The following CLVS1 variants were observed in gnomAD, a reference collection of about 807,000 sequenced individuals.
The protein encoded by CLVS1 is clavesin 1.
In CLVS1, 10 loss-of-function variants were observed where a neutral mutation model predicts 33.1. The observed-to-expected ratio is 0.30, with a 90% CI of 0.19 to 0.51. The LOEUF is 0.51. Ranked by LOEUF, CLVS1 falls within the 20% of genes least tolerant of loss-of-function variation. The pLI is 0.97. For missense variants in CLVS1, 343 were observed against 433.4 expected, an observed-to-expected ratio of 0.79 and a Z score of 1.85; for synonymous variants, 163 against 166.1, an observed-to-expected ratio of 0.98 and a Z score of 0.14.
the CLVS1 span, among the ~76,000 whole-genome samples, chr8:61,047,781 G>C: frequency 1.3e-5 from 2 of 152,128 alleles, no homozygotes; most frequent in Non-Finnish European, 2.9e-5. Context: ...ATCACACTCT[G>C]GGGACTGTTG....
intron 3 of CLVS1, among the ~76,000 whole-genome samples, chr8:61,400,377 G>A (rs1017639094): frequency 1.3e-5 from 2 of 152,308 alleles, no homozygotes; most frequent in Admixed American, 6.5e-5. Context: ...TCTGCACACT[G>A]ATTTTGTATC....
At chr8:61,261,975 CGTGTGTGTGTGTGTGTGTGTGTGTGTGT>C (rs57278209) in intron 2 of CLVS1, among the ~76,000 whole-genome samples, 5 of 110,962 alleles carry the variant, frequency 4.5e-5, no homozygotes, top group African/African-American at 1.7e-4. Context: ...CTCATTGCTG[CGTGTGTGTGTGTGTGTGTGTGTGTGTGT>C]GTGTGTGTGT....
At chr8:61,405,303 A>G (rs1336897178) in intron 3 of CLVS1, among the ~76,000 whole-genome samples, 1 of 152,186 alleles carries the variant, frequency 6.6e-6, no homozygotes, top group Non-Finnish European at 1.5e-5. Context: ...GATTATCCTT[A>G]GTTTGCCCTT....
intron 2 of CLVS1, among the ~76,000 whole-genome samples, chr8:61,160,574 C>G (rs781706274): frequency 6.6e-6 from 1 of 152,106 alleles, no homozygotes; most frequent in Non-Finnish European, 1.5e-5. Context: ...TACCCTTTTC[C>G]AAAGATTGTG....
intron 1 of CLVS1, chr8:61,090,786 T>C: frequency 6.3e-6 from 3 of 479,166 alleles, no homozygotes; most frequent in Non-Finnish European, 1.2e-5. Context: ...AGAGAAGAAT[T>C]TTCCTCTAGG....
the CLVS1 span, among the ~76,000 whole-genome samples, chr8:60,999,509 A>T: frequency 2.6e-5 from 4 of 152,330 alleles, no homozygotes; most frequent in African/African-American, 9.6e-5. Flanking sequence ...GCCAGTGATC[A>T]TCTCCACCCT....
At chr8:60,982,171 A>G in the CLVS1 span, among the ~76,000 whole-genome samples, 11 of 152,360 alleles carry the variant, frequency 7.2e-5, no homozygotes, top group Admixed American at 3.9e-4. Context: ...AAGTAATTAA[A>G]TCAAGCTAAT....
At chr8:61,225,901 G>A (rs1323919451) in intron 2 of CLVS1, among the ~76,000 whole-genome samples, 1 of 152,216 alleles carries the variant, frequency 6.6e-6, no homozygotes, top group Non-Finnish European at 1.5e-5. Context: ...TTTCATGGTA[G>A]TGCTTCCTCC....
chr8:61,035,297 A>G, the CLVS1 span, among the ~76,000 whole-genome samples: 1 of 151,100 alleles, frequency 6.6e-6, no homozygotes, highest in Admixed American at 6.6e-5. Context: ...CTAAAGCTAC[A>G]TCATTCCTGA....
rs560292655 is a variant in CLVS1, at chr8:61,086,831, G to C, written c.-243+29601G>C. ...AGGAACTATAATCCTAACAGTAAAG[G>C]CAAGTTGTATTCGTGTGGTGCTTTC... is the stretch of plus-strand genomic sequence containing the variant. On this transcript the variant is annotated intron_variant, in intron 1 of 2. Coordinates refer to the CLVS1 transcript ENST00000522621. Among the ~76,000 whole-genome samples, 5 of 152,274 alleles carry C rather than the reference G, an allele frequency of 3.3e-5. No individual in the cohort carries two copies. In the East Asian group the frequency reaches 9.6e-4, roughly 29 times the overall value.
chr8:61,047,158 A>C, the CLVS1 span, among the ~76,000 whole-genome samples: 2 of 151,994 alleles, frequency 1.3e-5, no homozygotes, highest in Non-Finnish European at 1.5e-5. Context: ...ACATGAACAG[A>C]CACTTCTCAA....
At chr8:61,073,532 C>T (rs1585589117) in intron 1 of CLVS1, among the ~76,000 whole-genome samples, 1 of 152,224 alleles carries the variant, frequency 6.6e-6, no homozygotes, top group East Asian at 1.9e-4. Flanking sequence ...CTTATTCTTT[C>T]CCCATTTGCA....
chr8:61,333,286 C>A (rs912137176), intron 2 of CLVS1, among the ~76,000 whole-genome samples: 1 of 152,104 alleles, frequency 6.6e-6, no homozygotes, highest in African/African-American at 2.4e-5. Context: ...GTAAGAAGTA[C>A]CTACAACCAG....
At chr8:61,033,060 ATAG>A in the CLVS1 span, among the ~76,000 whole-genome samples, 46 of 61,756 alleles carry the variant, frequency 7.4e-4, no homozygotes, top group African/African-American at 2.2e-3. Flanking sequence ...AGAAAGAAAG[ATAG>A]AAAGAAAGAA....
intron 2 of CLVS1, among the ~76,000 whole-genome samples, chr8:61,279,923 A>G (rs1208309782): frequency 2.6e-5 from 4 of 152,226 alleles, no homozygotes; most frequent in Non-Finnish European, 4.4e-5. Context: ...ATATGATAGT[A>G]TTTGTCATGG....
rs548826399 is a variant in CLVS1, at chr8:61,068,568, A to G, written c.-243+11338A>G. Among the ~76,000 whole-genome samples the G allele has an allele frequency of 2.3e-4, 35 of 152,032 alleles. No individual in the cohort carries two copies. In the South Asian group the frequency reaches 6.7e-3, roughly 29 times the overall value. On this transcript the variant is annotated intron_variant, in intron 1 of 2. Coordinates refer to the CLVS1 transcript ENST00000522621. ...CCGACTCCTCTCAAGACCCATTCTC[A>G]ATTCCTGCTCCCCTCATTCTCAGCA...
At chr8:61,033,153 A>AAG in the CLVS1 span, among the ~76,000 whole-genome samples, 5 of 130,878 alleles carry the variant, frequency 3.8e-5, no homozygotes, top group Non-Finnish European at 8.3e-5. Context: ...GAAAGAAAGA[A>AAG]AGAAAGAAAA....
chr8:61,032,376 G>A, the CLVS1 span, among the ~76,000 whole-genome samples: 21 of 152,172 alleles, frequency 1.4e-4, no homozygotes, highest in Non-Finnish European at 2.2e-4. Flanking sequence ...GAATGGACAC[G>A]CTAACAAACT....
At chr8:61,229,607 G>C (rs1261035359) in intron 2 of CLVS1, among the ~76,000 whole-genome samples, 2 of 152,186 alleles carry the variant, frequency 1.3e-5, no homozygotes, top group Non-Finnish European at 2.9e-5. Flanking sequence ...AAACGCCTGA[G>C]TCATGGAGCA....
Sources: allele counts gnomAD v4.1 joint callset (sites outside exome capture counted in the v4.1 genomes callset), GRCh38; gene constraint gnomAD v4.1.1; transcripts MANE v1.5; gene names NCBI Gene and HGNC (gene_info 2026-07-23, HGNC 2026-07-21).